GGH: variants seen among roughly 807,000 people sequenced by gnomAD.
GGH encodes the protein gamma-glutamyl hydrolase.
GGH carries 18 observed loss-of-function variants against 39.2 expected under a neutral mutation model. That is an observed-to-expected ratio of 0.46 (90% CI 0.32 to 0.68). The LOEUF is 0.68. Among genes scored for constraint, GGH ranks in the 30% least tolerant of loss-of-function variants. The pLI, the probability that GGH is intolerant of heterozygous loss-of-function variation, is 0.04. For missense variants in GGH, 367 were observed against 384.1 expected (o/e 0.96, Z 0.37); for synonymous variants, 147 against 138.8 (o/e 1.06, Z -0.42).
chr8:63,026,384 A>T (rs1173003587), intron 4 of GGH, 88 bp from the exon 5 acceptor site: 8 of 922,346 alleles, frequency 8.7e-6, no homozygotes, highest in Non-Finnish European at 1.3e-5. Context: ...CCAAATAGGC[A>T]CCTGAGTTAC....
rs1243467595 is a variant in GGH at position 63,024,191 on chromosome 8, A to T, written c.500-5T>A. 1 of 1,534,442 alleles carries T rather than the reference A, an allele frequency of 6.5e-7. No individual in the cohort carries two copies. Among genetic ancestry groups the T allele is most frequent in the Non-Finnish European group, 9.0e-7 (1 of 1,110,136 alleles). ...ACATTCTGCTGTGCAATTGACCTGA[A>T]ATAATTTAAGTACAAGAGAAATAAT... On this transcript the variant is annotated splice_region_variant and splice_polypyrimidine_tract_variant and intron_variant, in intron 5 of 8. Coordinates refer to ENST00000260118, the MANE Select transcript of GGH (RefSeq NM_003878.3).
At chr8:63,034,757 A>T (rs191965437) in intron 2 of GGH, among the ~76,000 whole-genome samples, 2 of 152,324 alleles carry the variant, frequency 1.3e-5, no homozygotes, top group Admixed American at 6.5e-5. Context: ...GTAATTTACA[A>T]ACTTTTAAAG....
At position 63,015,299 on chromosome 8, in the gene GGH, T is replaced by C. The variant is rs1804465456; in HGVS notation, c.*33A>G. 2 of 1,142,574 alleles carry C rather than the reference T, an allele frequency of 1.8e-6. No homozygotes were observed. Among genetic ancestry groups the C allele is most frequent in the Non-Finnish European group, 2.5e-6 (2 of 786,272 alleles). The allele number at this position is 1,142,574 out of a possible 1,614,324, so 70.8% of individuals were successfully genotyped here. ...TTCTAACAGTTTAATCATGGAATTA[T>C]TCAAATTTGCTCTGTTAACAAATTG... On this transcript the variant is annotated 3_prime_UTR_variant, in exon 9 of 9. Coordinates refer to ENST00000260118, the MANE Select transcript of GGH (RefSeq NM_003878.3).
At chr8:63,038,567 C>A (rs976998115) in intron 1 of GGH, 93 bp downstream of exon 1, 9 of 617,088 alleles carry the variant, frequency 1.5e-5, no homozygotes, top group Non-Finnish European at 2.1e-5. Context: ...TTTTTCCCGG[C>A]GGGACGCGCC....
At chr8:63,036,708 G>A (rs950753723) in intron 1 of GGH, among the ~76,000 whole-genome samples, 9 of 152,176 alleles carry the variant, frequency 5.9e-5, no homozygotes, top group Admixed American at 6.5e-5. Context: ...TCTGGGAAAA[G>A]AGCAATCCAG....
At chr8:63,032,604 G>A (rs555285453) in intron 2 of GGH, among the ~76,000 whole-genome samples, 2 of 152,244 alleles carry the variant, frequency 1.3e-5, no homozygotes, top group African/African-American at 4.8e-5. Context: ...CTAAACCACA[G>A]AAGTTGACTC....
At chr8:63,030,978 CAAT>C (rs1804792511) in intron 2 of GGH, among the ~76,000 whole-genome samples, 2 of 152,162 alleles carry the variant, frequency 1.3e-5, no homozygotes, top group African/African-American at 4.8e-5. Flanking sequence ...TAAAATGCAA[CAAT>C]AAGGGAAGAG....
chr8:63,037,396 C>T (rs1047964946), intron 1 of GGH, among the ~76,000 whole-genome samples: 10 of 152,064 alleles, frequency 6.6e-5, no homozygotes, highest in African/African-American at 2.4e-4. Flanking sequence ...AGAGTGAGTT[C>T]CACCAACATC....
At chr8:63,028,408 T>C (rs547201639) in intron 3 of GGH, 1 of 152,290 alleles carries the variant, frequency 6.6e-6, no homozygotes, top group South Asian at 2.1e-4. Flanking sequence ...AAATACGGTA[T>C]GTCTAACCCC....
intron 7 of GGH, among the ~76,000 whole-genome samples, chr8:63,018,842 A>G (rs1441679870): frequency 2.0e-5 from 3 of 152,242 alleles, no homozygotes; most frequent in Non-Finnish European, 4.4e-5. Flanking sequence ...ATACATATAT[A>G]TAAGAAATCT....
At chr8:63,018,702 C>T (rs529774049) in intron 7 of GGH, among the ~76,000 whole-genome samples, 3 of 152,342 alleles carry the variant, frequency 2.0e-5, no homozygotes, top group African/African-American at 7.2e-5. Flanking sequence ...AAGAGACCCA[C>T]AGGCTGGGGG....
chr8:63,027,395 T>C, intron 3 of GGH, 130 bp from the exon 4 acceptor site: 1 of 534,344 alleles, frequency 1.9e-6, no homozygotes, highest in South Asian at 3.0e-5. Context: ...TTGAAGAAAA[T>C]TAGAAAAGTA....
chr8:63,029,874 T>C, intron 3 of GGH: 1 of 224,366 alleles, frequency 4.5e-6, no homozygotes, highest in Non-Finnish European at 8.6e-6. Flanking sequence ...TCAAGGTAGC[T>C]TCAAAACATT....
intron 7 of GGH, among the ~76,000 whole-genome samples, chr8:63,020,874 C>T (rs1395139589): frequency 6.6e-6 from 1 of 152,156 alleles, no homozygotes; most frequent in Non-Finnish European, 1.5e-5. Context: ...CAGCAGACCA[C>T]GAGTGGGTGG....
In GGH at chr8:63,024,182, T is replaced by A. The variant is rs1300932060; in HGVS notation, c.504A>T (p.Gln168His). Residue 168 changes from glutamine to histidine, a missense_variant, in exon 6 of 9, where the codon CAA (glutamine) becomes CAT (histidine). Gln to His is a conservative substitution (Grantham distance 24, BLOSUM62 0). Transcript: ENST00000260118. ...VAMPLNFTGG[Q>H]LHSRMFQNFP... is the part of the protein sequence containing the mutation. ...AATTCTGGAACATTCTGCTGTGCAA[T>A]TGACCTGAAATAATTTAAGTACAAG... 1 of 1,576,436 alleles carries A rather than the reference T, an allele frequency of 6.3e-7. No homozygotes were observed. Among genetic ancestry groups the A allele is most frequent in the East Asian group, 2.2e-5 (1 of 44,620 alleles).
intron 8 of GGH, among the ~76,000 whole-genome samples, chr8:63,016,526 C>T (rs1263976472): frequency 1.3e-5 from 2 of 152,248 alleles, no homozygotes; most frequent in East Asian, 1.9e-4. Flanking sequence ...TGATCTCTAC[C>T]GTTTACAAGT....
intron 7 of GGH, among the ~76,000 whole-genome samples, chr8:63,022,696 T>C (rs1804613939): frequency 6.6e-6 from 1 of 151,870 alleles, no homozygotes. Context: ...TTTTTTCTTT[T>C]TTTGTATTTT....
chr8:63,030,667 G>A (rs1023887221), intron 2 of GGH, among the ~76,000 whole-genome samples: 7 of 152,064 alleles, frequency 4.6e-5, no homozygotes, highest in African/African-American at 1.7e-4. Context: ...CCAAGTCGCT[G>A]CCTGATCCCA....
chr8:63,033,766 C>A lies in GGH; in HGVS notation c.224+1890G>T, dbSNP rs1408566901. 2.6e-5 allele frequency among the ~76,000 whole-genome samples: 4 copies of A among 151,814 alleles called. No homozygotes were observed. The East Asian group carries it at 7.7e-4, about 29-fold the overall frequency. Reference sequence around the variant, plus strand: ...CAGTATCCAATAGGTAGTTTTTCAGCCCTTATTGCCCTCCTCCTCTAGTAG... The same window carrying A: ...CAGTATCCAATAGGTAGTTTTTCAGACCTTATTGCCCTCCTCCTCTAGTAG... On this transcript the variant is annotated intron_variant, in intron 2 of 8. Transcript: ENST00000260118.
Sources: allele counts gnomAD v4.1 joint callset (sites outside exome capture counted in the v4.1 genomes callset), GRCh38; gene constraint gnomAD v4.1.1; transcripts MANE v1.5; gene names NCBI Gene and HGNC (gene_info 2026-07-23, HGNC 2026-07-21).